Variants in ATP2A3 observed in about 807,000 individuals in gnomAD.
ATP2A3 encodes the protein sarcoplasmic/endoplasmic reticulum calcium ATPase 3.
In ATP2A3, 61 loss-of-function variants were observed where a neutral mutation model predicts 106.8. The observed-to-expected ratio is 0.57, with a 90% confidence interval of 0.46 to 0.71. The LOEUF (loss-of-function observed/expected upper bound fraction) is 0.71, where lower values mean the gene tolerates loss of function less well. Ranked by LOEUF, ATP2A3 falls within the 30% of genes least tolerant of loss-of-function variation. The probability of loss-of-function intolerance (pLI) is 0.00; values close to 1 mark genes in which losing one functional copy is unlikely to be tolerated. For synonymous variants in ATP2A3, 611 were observed against 609.3 expected, an observed-to-expected ratio of 1.00 and a Z score of -0.04; for missense variants, 1,201 against 1,423.5, an observed-to-expected ratio of 0.84 and a Z score of 2.52.
rs957800533 is a variant in ATP2A3 at position 3,930,556 on chromosome 17, G to C, written c.2611-122C>G. The C allele has an allele frequency of 7.8e-6, 10 of 1,288,538 alleles. No individual in the cohort carries two copies. The East Asian group carries it at 2.3e-4, about 30-fold the overall frequency. The allele number at this position is 1,288,538 out of a possible 1,614,324, so 79.8% of individuals were successfully genotyped here. On this transcript the variant is annotated intron_variant, in intron 17 of 20. Coordinates refer to ENST00000397041, the MANE Select transcript of ATP2A3 (RefSeq NM_005173.4). This position sits in a 1 kb window ranked among gnomAD's most constrained non-coding sequence, Gnocchi z 5.4. The stretch of plus-strand genomic sequence containing the variant: ...GGGCACAACCAGCACACAAAACACT[G>C]CCGTGGGGTGGGCTGGGGATCCCGG...
chr17:3,935,883 C>T (rs1266580705), intron 16 of ATP2A3, among the ~76,000 whole-genome samples: 1 of 152,148 alleles, frequency 6.6e-6, no homozygotes, highest in Non-Finnish European at 1.5e-5. Context: ...CCTCGGCCTC[C>T]CACAATGCTG....
In ATP2A3 at chr17:3,950,680, G is replaced by C. The variant is rs201357601; in HGVS notation, c.544+13C>G. 192 of 1,613,790 alleles carry C rather than the reference G, an allele frequency of 1.2e-4. 2 individuals carry two copies. In the African/African-American group the frequency reaches 1.8e-3, roughly 15 times the overall value. On this transcript the variant is annotated intron_variant, in intron 6 of 20. Coordinates refer to ENST00000397041, the MANE Select transcript of ATP2A3 (RefSeq NM_005173.4). ...TGGCCCACTAGGTCCCGGCCTCCTG[G>C]GGGGGGCCTCACCCGTCAGGATGGA... is the stretch of plus-strand genomic sequence containing the variant.
At position 3,941,324 on chromosome 17, in the gene ATP2A3, A is replaced by G; in HGVS notation, c.1765-18T>C. On this transcript the variant is annotated intron_variant, in intron 13 of 20. Coordinates refer to ENST00000397041, the MANE Select transcript of ATP2A3 (RefSeq NM_005173.4). ...AGGTCCGTCTGTAGGGAGGGGGCAG[A>G]TTCAAGCGGGGCCTGAGCCCATCCC... The G allele has an allele frequency of 6.2e-7, 1 of 1,613,602 alleles. No homozygotes were observed. The highest frequency in any genetic ancestry group is 8.5e-7 in the Non-Finnish European group (1 of 1,179,788).
rs747357284 is a variant in ATP2A3 at position 3,940,962 on chromosome 17, T to G, written c.2100+9A>C. 1.2e-6 allele frequency: 2 copies of G among 1,613,872 alleles called. No individual in the cohort carries two copies. Among genetic ancestry groups the G allele is most frequent in the Non-Finnish European group, 8.5e-7 (1 of 1,179,780 alleles). On this transcript the variant is annotated intron_variant, in intron 14 of 20. Transcript: ENST00000397041. ...CACCCCCTCCTGGGGCTCCAGGCTGTGGCCTCACCATAGCAGTGATCTCGT... is the reference window on the plus strand; with the variant it reads ...CACCCCCTCCTGGGGCTCCAGGCTGGGGCCTCACCATAGCAGTGATCTCGT...
Position 3,926,255 on chromosome 17 carries a change from G to A in ATP2A3, c.2981-814C>T, listed in dbSNP as rs939366689. Reference sequence around the variant, plus strand: ...AAGGCCACCCAGCTGGCTTGGGAGCGCAAAGGGTCCCTCTCTCACCCCCGC... The same window carrying A: ...AAGGCCACCCAGCTGGCTTGGGAGCACAAAGGGTCCCTCTCTCACCCCCGC... On this transcript the variant is annotated intron_variant, in intron 20 of 20. Coordinates refer to ENST00000397041, the MANE Select transcript of ATP2A3 (RefSeq NM_005173.4). This position sits in a 1 kb window ranked among gnomAD's most constrained non-coding sequence, Gnocchi z 4.6. 1.4e-4 allele frequency among the ~76,000 whole-genome samples: 22 copies of A among 152,178 alleles called. No individual in the cohort carries two copies. The highest frequency in any genetic ancestry group is 7.7e-4 in the East Asian group (4 of 5,188).
At chr17:3,960,719 C>A (rs370397758) in intron 1 of ATP2A3, among the ~76,000 whole-genome samples, 1 of 152,314 alleles carries the variant, frequency 6.6e-6, no homozygotes, top group East Asian at 1.9e-4. Context: ...CAGATCAGAC[C>A]GTCTGATCCC....
chr17:3,947,685 G>C lies in ATP2A3; in HGVS notation c.801C>G (p.Ile267Met). 1 of 1,612,028 alleles carries C rather than the reference G, an allele frequency of 6.2e-7. No individual in the cohort carries two copies. ...GRQLSHAISV[I>M]CVAVWVINIG... ...TGTTGATGACCCACACGGCCACGCA[G>C]ATCACAGAGATGGCGTGGGACAGCT... Residue 267 changes from isoleucine to methionine, a missense_variant, in exon 8 of 21, where the codon ATC becomes ATG. This residue lies in a region of ATP2A3 where 935 missense variants were observed against 1,176.7 expected (regional missense o/e 0.79). Coordinates refer to ENST00000397041, the MANE Select transcript of ATP2A3 (RefSeq NM_005173.4). This position sits in a 1 kb window ranked among gnomAD's most constrained non-coding sequence, Gnocchi z 7.7.
chr17:3,944,946 A>T lies in ATP2A3; in HGVS notation c.1184+114T>A, dbSNP rs1287444304. The T allele has an allele frequency of 1.2e-5, 15 of 1,296,366 alleles. No individual in the cohort carries two copies. In the African/African-American group the frequency reaches 1.4e-4, roughly 12 times the overall value. The allele number at this position is 1,296,366 out of a possible 1,614,324, so 80.3% of individuals were successfully genotyped here. On this transcript the variant is annotated intron_variant, in intron 9 of 20. Coordinates refer to ENST00000397041, the MANE Select transcript of ATP2A3 (RefSeq NM_005173.4). ...CTCCGCCTCCTGGCCCCGCCCCGGG[A>T]GAGGCTCCGCCTCCTGGCCCGCCCC...
chr17:3,924,771 C>T lies in ATP2A3; in HGVS notation c.*651G>A, dbSNP rs1196506552. On this transcript the variant is annotated 3_prime_UTR_variant, in exon 21 of 21. Coordinates refer to ENST00000397041, the MANE Select transcript of ATP2A3 (RefSeq NM_005173.4). The surrounding 1 kb of genome is among the most constrained non-coding windows in gnomAD (Gnocchi z 6.4). Reference sequence around the variant, plus strand: ...CCGCCCTCCTGCCGGCTCCTTGTGTCCGTCTCTCTGACCCTTCACCCGCCC... The same window carrying T: ...CCGCCCTCCTGCCGGCTCCTTGTGTTCGTCTCTCTGACCCTTCACCCGCCC... 2.2e-6 allele frequency: 1 copy of T among 456,556 alleles called. No homozygotes were observed. Among genetic ancestry groups the T allele is most frequent in the Non-Finnish European group, 4.4e-6 (1 of 226,962 alleles). 28.3% of individuals were successfully genotyped at this position (456,556 alleles called of 1,614,324 possible).
intron 16 of ATP2A3, among the ~76,000 whole-genome samples, chr17:3,935,790 G>A (rs1322814130): frequency 2.0e-5 from 3 of 151,912 alleles, no homozygotes; most frequent in South Asian, 4.2e-4. Flanking sequence ...TGCCTGCCTC[G>A]GCCTCCCAAA....
intron 1 of ATP2A3, among the ~76,000 whole-genome samples, chr17:3,957,027 G>T (rs2054820185): frequency 6.6e-6 from 1 of 152,218 alleles, no homozygotes; most frequent in Admixed American, 6.5e-5. Context: ...CCAAGCACCT[G>T]CCAAGCAATG....
At chr17:3,938,134 A>G (rs2053553023) in intron 14 of ATP2A3, among the ~76,000 whole-genome samples, 1 of 152,182 alleles carries the variant, frequency 6.6e-6, no homozygotes, top group South Asian at 2.1e-4. Context: ...GTTGCAATCA[A>G]GGTCAAACTG....
intron 17 of ATP2A3, among the ~76,000 whole-genome samples, chr17:3,931,920 G>T (rs1336701614): frequency 6.6e-6 from 1 of 152,158 alleles, no homozygotes; most frequent in Non-Finnish European, 1.5e-5. Flanking sequence ...ACTGTCTGTC[G>T]CATAAATACA....
chr17:3,942,547 G>T (rs562176921), intron 12 of ATP2A3, 59 bp downstream of exon 12: 2 of 1,591,250 alleles, frequency 1.3e-6, no homozygotes, highest in African/African-American at 2.7e-5. Flanking sequence ...ACAGAGGAGC[G>T]TGGATGACCA....
intron 14 of ATP2A3, among the ~76,000 whole-genome samples, chr17:3,938,249 CATG>C (rs1319983061): frequency 6.6e-6 from 1 of 152,116 alleles, no homozygotes; most frequent in Non-Finnish European, 1.5e-5. Flanking sequence ...GCCTGGGCAA[CATG>C]ATGAAACCCC....
At chr17:3,957,397 G>A (rs529260680) in intron 1 of ATP2A3, among the ~76,000 whole-genome samples, 35 of 152,158 alleles carry the variant, frequency 2.3e-4, no homozygotes, top group African/African-American at 4.8e-4. Context: ...TCTCTTTACC[G>A]CTCACCCAAG....
Position 3,928,449 on chromosome 17 carries a change from A to T in ATP2A3, c.2980+214T>A. The stretch of plus-strand genomic sequence containing the variant: ...CAAGAGGTGCTCCCGTTGCTGGCCC[A>T]GTGAGCCCAGGTCCCCTGCAGTGCA... On this transcript the variant is annotated intron_variant, in intron 20 of 20. Transcript: ENST00000397041. This position sits in a 1 kb window ranked among gnomAD's most constrained non-coding sequence, Gnocchi z 6.1. 1 of 1,083,230 alleles carries T rather than the reference A, an allele frequency of 9.2e-7. No homozygotes were observed. The highest frequency in any genetic ancestry group is 1.3e-5 in the South Asian group (1 of 74,506). 67.1% of individuals were successfully genotyped at this position (1,083,230 alleles called of 1,614,324 possible). A position where few individuals can be genotyped will look rare whatever the true frequency, so the allele number is the denominator to read the frequency against.
At chr17:3,927,401 T>C in intron 20 of ATP2A3, 1 of 985,484 alleles carries the variant, frequency 1.0e-6, no homozygotes, top group Non-Finnish European at 1.2e-6. Flanking sequence ...ACAAGCCACC[T>C]GAGCTGTCAT....
chr17:3,943,445 G>A lies in ATP2A3; in HGVS notation c.1365C>T (p.Phe455=), dbSNP rs761171240. The stretch of plus-strand genomic sequence containing the variant: ...GGGACAGAGCCTGCAGGTCGGTGTC[G>A]AACACGTTCATCTTCTCCACCAGGC... The part of the protein sequence containing the change: ...LTCLVEKMNV[F]DTDLQALSRV... Residue 455 remains phenylalanine (F), a synonymous_variant, in exon 11 of 21, where the codon TTC becomes TTT. Coordinates refer to ENST00000397041, the MANE Select transcript of ATP2A3 (RefSeq NM_005173.4). 9.5e-5 allele frequency: 153 copies of A among 1,613,886 alleles called. 1 individual carries two copies. The East Asian group carries it at 2.8e-3, about 30-fold the overall frequency.
Sources: gnomAD v4.1 joint callset for allele counts (sites outside exome capture counted in the v4.1 genomes callset) on GRCh38, gnomAD v4.1.1 for gene constraint, gnomAD v4.1.1 regional missense constraint, Gnocchi (gnomAD v3.1) non-coding constraint, MANE v1.5 for transcripts, NCBI Gene and HGNC (gene_info 2026-07-23, HGNC 2026-07-21) for gene names.